The following CTTNBP2 variants were observed in gnomAD, a reference collection of about 807,000 sequenced individuals.
The protein encoded by CTTNBP2 is cortactin binding protein 2.
A neutral mutation model predicts 156.9 loss-of-function variants in CTTNBP2; 108 were observed. That is an observed-to-expected ratio of 0.69 (90% CI 0.59 to 0.81). CTTNBP2 has a LOEUF of 0.81. Among genes scored for constraint, CTTNBP2 ranks in the 30% least tolerant of loss-of-function variants. CTTNBP2 has a pLI of 0.00. For missense variants in CTTNBP2, 1,924 were observed against 2,035.4 expected (o/e 0.95, Z 1.05); for synonymous variants, 767 against 751.8 (o/e 1.02, Z -0.33).
chr7:117,842,996 G>A (rs560567583), intron 2 of CTTNBP2, among the ~76,000 whole-genome samples: 2 of 152,268 alleles, frequency 1.3e-5, no homozygotes, highest in African/African-American at 4.8e-5. Flanking sequence ...GTATTCATGG[G>A]CTGGGGATTC....
At chr7:117,748,496 T>C (rs1285024740) in intron 12 of CTTNBP2, among the ~76,000 whole-genome samples, 2 of 152,256 alleles carry the variant, frequency 1.3e-5, no homozygotes, top group Admixed American at 6.5e-5. Flanking sequence ...TATCTCATCA[T>C]TATAGCTCTG....
chr7:117,738,101 C>T (rs1795807490), intron 14 of CTTNBP2, among the ~76,000 whole-genome samples: 1 of 152,208 alleles, frequency 6.6e-6, no homozygotes. Flanking sequence ...CTGCGGAAGG[C>T]AGGCTGCATC....
chr7:117,847,213 A>G (rs1039516847), intron 2 of CTTNBP2, among the ~76,000 whole-genome samples: 8 of 152,182 alleles, frequency 5.3e-5, no homozygotes, highest in Non-Finnish European at 1.5e-5. Flanking sequence ...TAGGACAATA[A>G]AGAGAGTTGG....
intron 3 of CTTNBP2, among the ~76,000 whole-genome samples, chr7:117,810,331 A>G (rs1052357460): frequency 1.3e-5 from 2 of 152,212 alleles, no homozygotes; most frequent in African/African-American, 2.4e-5. Flanking sequence ...TTAAGAAATA[A>G]TAAAATAATT....
rs944910522 is a variant in CTTNBP2, at chr7:117,735,408, T to C, written c.3549A>G (p.Pro1183=). Residue 1183 remains proline (P), a synonymous_variant, in exon 15 of 23, where the codon CCA becomes CCG. Transcript: ENST00000160373. Reference sequence around the variant, plus strand: ...TCTTCTTACTGGGAGATTGTTTCACTGGGATCAGACAAGCTATAATAAAAA... The same window carrying C: ...TCTTCTTACTGGGAGATTGTTTCACCGGGATCAGACAAGCTATAATAAAAA... The part of the protein sequence containing the change: ...DLFISSACLI[P]VKQSPSKKKI... 3 of 1,612,794 alleles carry C rather than the reference T, an allele frequency of 1.9e-6. No individual in the cohort carries two copies. Among genetic ancestry groups the C allele is most frequent in the African/African-American group, 2.7e-5 (2 of 74,836 alleles).
chr7:117,751,698 T>C (rs372146505), intron 12 of CTTNBP2, among the ~76,000 whole-genome samples: 3 of 152,336 alleles, frequency 2.0e-5, no homozygotes, highest in African/African-American at 7.2e-5. Flanking sequence ...TTCACATACA[T>C]AGCAGACTGG....
At chr7:117,815,640 G>A (rs1013109445) in intron 2 of CTTNBP2, among the ~76,000 whole-genome samples, 11 of 152,164 alleles carry the variant, frequency 7.2e-5, no homozygotes, top group Non-Finnish European at 1.0e-4. Flanking sequence ...GTATGCAGGG[G>A]CCAGGTAGCC....
chr7:117,776,972 A>G lies in CTTNBP2; in HGVS notation c.2778+539T>C, dbSNP rs541911178. ...ATGCTAAAGCGACTAACATCAGAAA[A>G]ACATGAAAACATGAGTGAATGGACT... On this transcript the variant is annotated intron_variant, in intron 8 of 22. Coordinates refer to ENST00000160373, the MANE Select transcript of CTTNBP2 (RefSeq NM_033427.3). Among the ~76,000 whole-genome samples the G allele has an allele frequency of 1.9e-4, 29 of 152,374 alleles. No homozygotes were observed. The South Asian group carries it at 3.3e-3, about 17-fold the overall frequency.
In CTTNBP2 at chr7:117,711,195, A is replaced by T. The variant is rs1794032587; in HGVS notation, c.*342T>A. 1 of 162,350 alleles carries T rather than the reference A, an allele frequency of 6.2e-6. No homozygotes were observed. The highest frequency in any genetic ancestry group is 1.3e-5 in the Non-Finnish European group (1 of 74,330). 10.1% of individuals were successfully genotyped at this position (162,350 alleles called of 1,614,324 possible). A position where few individuals can be genotyped will look rare whatever the true frequency, so the allele number is the denominator to read the frequency against. On this transcript the variant is annotated 3_prime_UTR_variant, in exon 23 of 23. Coordinates refer to ENST00000160373, the MANE Select transcript of CTTNBP2 (RefSeq NM_033427.3). ...GTATGATTTCTGGACTTCCTTAAATATACATACATATATACATATATACAG... is the reference window on the plus strand; with the variant it reads ...GTATGATTTCTGGACTTCCTTAAATTTACATACATATATACATATATACAG...
intron 2 of CTTNBP2, among the ~76,000 whole-genome samples, chr7:117,854,777 T>C (rs1185307459): frequency 2.9e-5 from 4 of 137,768 alleles, no homozygotes; most frequent in African/African-American, 1.0e-4. Flanking sequence ...ATTTAATTAA[T>C]TAATTAATTT....
chr7:117,733,988 T>G (rs546803483), intron 16 of CTTNBP2, among the ~76,000 whole-genome samples: 1 of 152,336 alleles, frequency 6.6e-6, no homozygotes, highest in Non-Finnish European at 1.5e-5. Flanking sequence ...AGGAAGAGAC[T>G]GAGGAAGCCG....
At chr7:117,750,138 C>T (rs566390272) in intron 12 of CTTNBP2, among the ~76,000 whole-genome samples, 7 of 152,218 alleles carry the variant, frequency 4.6e-5, no homozygotes, top group South Asian at 2.1e-4. Flanking sequence ...TTTCAACTAG[C>T]GTGGCTATTT....
At chr7:117,718,168 C>CCTTGAGTATGCACAGTGTG in intron 21 of CTTNBP2, 49 bp from the exon 22 acceptor site, 1 of 1,125,588 alleles carries the variant, frequency 8.9e-7, no homozygotes, top group Non-Finnish European at 1.3e-6. Flanking sequence ...TCACACTGTG[C>CCTTGAGTATGCACAGTGTG]ATACTCAAGG....
intron 6 of CTTNBP2, among the ~76,000 whole-genome samples, chr7:117,782,585 G>T (rs1278046369): frequency 6.6e-6 from 1 of 152,192 alleles, no homozygotes; most frequent in African/African-American, 2.4e-5. Flanking sequence ...CATGACATAT[G>T]TGTTGATATG....
chr7:117,756,050 C>T (rs921407254), intron 12 of CTTNBP2, among the ~76,000 whole-genome samples: 2 of 152,190 alleles, frequency 1.3e-5, no homozygotes, highest in Non-Finnish European at 2.9e-5. Flanking sequence ...CCTGCCACTT[C>T]TCCTTCCTCA....
At chr7:117,768,330 G>A (rs1002426361) in intron 8 of CTTNBP2, among the ~76,000 whole-genome samples, 17 of 152,038 alleles carry the variant, frequency 1.1e-4, no homozygotes, top group African/African-American at 3.9e-4. Context: ...GGGAGGCCAA[G>A]GCAGGTGGAT....
chr7:117,865,685 A>AAAG (rs1456969551), intron 1 of CTTNBP2, among the ~76,000 whole-genome samples: 2 of 149,728 alleles, frequency 1.3e-5, no homozygotes, highest in East Asian at 3.9e-4. Context: ...AAAAAAAAAA[A>AAAG]AAAAAGAAAA....
chr7:117,738,095 G>A (rs928088380), intron 14 of CTTNBP2, among the ~76,000 whole-genome samples: 3 of 152,216 alleles, frequency 2.0e-5, no homozygotes, highest in Admixed American at 1.3e-4. Flanking sequence ...TCACAGCTGC[G>A]GAAGGCAGGC....
At chr7:117,766,944 G>T in intron 9 of CTTNBP2, 115 bp downstream of exon 9, 1 of 685,778 alleles carries the variant, frequency 1.5e-6, no homozygotes, top group Non-Finnish European at 2.7e-6. Context: ...GCCATAGCTA[G>T]GGCTCCAAAA....
Sources: allele counts gnomAD v4.1 joint callset (sites outside exome capture counted in the v4.1 genomes callset), GRCh38; gene constraint gnomAD v4.1.1; transcripts MANE v1.5; gene names NCBI Gene and HGNC (gene_info 2026-07-23, HGNC 2026-07-21).